YAE1: variants seen among roughly 807,000 people sequenced by gnomAD.
YAE1 encodes protein YAE1 homolog.
YAE1 carries 22 observed loss-of-function variants against 23.0 expected under a neutral mutation model. The observed-to-expected ratio is 0.96, with a 90% CI of 0.68 to 1.37. The LOEUF (loss-of-function observed/expected upper bound fraction) is 1.37, where lower values mean the gene tolerates loss of function less well. YAE1 is among the 40% of genes most tolerant of loss of function. The pLI, the probability that YAE1 is intolerant of heterozygous loss-of-function variation, is 0.00. For missense variants in YAE1, 260 were observed against 262.1 expected (o/e 0.99, Z 0.06); for synonymous variants, 101 against 97.0 (o/e 1.04, Z -0.24).
At chr7:39,608,776 T>C (rs1791164707) in intron 2 of YAE1, among the ~76,000 whole-genome samples, 2 of 152,222 alleles carry the variant, frequency 1.3e-5, no homozygotes, top group African/African-American at 4.8e-5. Flanking sequence ...CCACCAATGC[T>C]TTCCTTCAGA....
chr7:39,582,755 T>C (rs1465755610), intron 2 of YAE1, among the ~76,000 whole-genome samples: 2 of 151,898 alleles, frequency 1.3e-5, no homozygotes, highest in South Asian at 2.1e-4. Flanking sequence ...AGTGTGAACA[T>C]GATACTTCTG....
intron 2 of YAE1, among the ~76,000 whole-genome samples, chr7:39,595,596 T>C (rs1054008152): frequency 1.3e-5 from 2 of 152,212 alleles, no homozygotes; most frequent in African/African-American, 2.4e-5. Flanking sequence ...TATCAAATTA[T>C]GTATTTTTAA....
intron 2 of YAE1, 53 bp downstream of exon 2, chr7:39,570,680 G>T (rs1192784307): frequency 6.5e-7 from 1 of 1,538,246 alleles, no homozygotes; most frequent in South Asian, 1.3e-5. Context: ...ACTACTGGAG[G>T]ATGTTTCTGT....
chr7:39,590,821 C>T (rs1257648518), intron 2 of YAE1, among the ~76,000 whole-genome samples: 2 of 152,196 alleles, frequency 1.3e-5, no homozygotes, highest in South Asian at 2.1e-4. Flanking sequence ...TAGGGACACT[C>T]AACCTGTAAT....
intron 2 of YAE1, among the ~76,000 whole-genome samples, chr7:39,601,531 G>T (rs1024741840): frequency 1.3e-5 from 2 of 152,064 alleles, no homozygotes; most frequent in Admixed American, 6.6e-5. Flanking sequence ...AGGCCGAGAT[G>T]GGTGGATCAC....
chr7:39,579,727 T>G (rs945124086), intron 2 of YAE1, among the ~76,000 whole-genome samples: 3 of 151,938 alleles, frequency 2.0e-5, no homozygotes, highest in Admixed American at 6.6e-5. Flanking sequence ...TCAGCAAGTA[T>G]TATTTTTATT....
chr7:39,576,669 A>G (rs957659819), downstream of YAE1, among the ~76,000 whole-genome samples: 7 of 152,038 alleles, frequency 4.6e-5, no homozygotes, highest in South Asian at 4.2e-4. Flanking sequence ...GCTCTTCCCA[A>G]TGTTTCCCCT....
chr7:39,609,487 A>G, intron 2 of YAE1: 1 of 1,284,748 alleles, frequency 7.8e-7, no homozygotes, highest in Middle Eastern at 1.9e-4. Context: ...GGGGGGTTGT[A>G]ACAGAGACAA....
chr7:39,569,314 A>G (rs1437490722), intron 1 of YAE1: 5 of 308,286 alleles, frequency 1.6e-5, no homozygotes, highest in Non-Finnish European at 2.6e-5. Flanking sequence ...TTCACTTCAA[A>G]CCAAAAGAAA....
At chr7:39,572,199 TTTAA>T (rs1790578737) in intron 2 of YAE1, 74 bp from the exon 3 acceptor site, 5 of 1,405,458 alleles carry the variant, frequency 3.6e-6, no homozygotes, top group East Asian at 2.4e-5. Context: ...AGTCCAATCG[TTTAA>T]TTGTTATTGA....
downstream of YAE1, among the ~76,000 whole-genome samples, chr7:39,574,780 C>G (rs781304045): frequency 8.8e-4 from 134 of 151,858 alleles, no homozygotes; most frequent in Non-Finnish European, 1.7e-3. Flanking sequence ...TGTTAAGTCC[C>G]TGTAGTCTTC....
intron 2 of YAE1, among the ~76,000 whole-genome samples, chr7:39,602,387 A>C (rs1007663911): frequency 2.0e-5 from 3 of 152,254 alleles, no homozygotes; most frequent in African/African-American, 4.8e-5. Flanking sequence ...TTAGACAATA[A>C]GTTTCTGAGA....
At chr7:39,568,056 G>A (rs1790503130) in intron 1 of YAE1, among the ~76,000 whole-genome samples, 1 of 152,034 alleles carries the variant, frequency 6.6e-6, no homozygotes, top group Admixed American at 6.6e-5. Flanking sequence ...AAAAATGTGT[G>A]GCGAAACCCC....
chr7:39,590,181 C>T (rs1790881712), intron 2 of YAE1, among the ~76,000 whole-genome samples: 1 of 152,146 alleles, frequency 6.6e-6, no homozygotes, highest in African/African-American at 2.4e-5. Flanking sequence ...TTTACTAAGC[C>T]ATTGCACTAA....
intron 1 of YAE1, chr7:39,570,007 C>T (rs1195740255): frequency 1.4e-5 from 19 of 1,350,632 alleles, no homozygotes; most frequent in Middle Eastern, 1.8e-4. Context: ...TTTCCCATTC[C>T]GGTTAATGGT....
chr7:39,593,618 G>A (rs1790936005), intron 2 of YAE1, among the ~76,000 whole-genome samples: 1 of 151,854 alleles, frequency 6.6e-6, no homozygotes, highest in Admixed American at 6.6e-5. Context: ...CACCACCATG[G>A]CCAGCTAATT....
chr7:39,570,439 A>G, intron 1 of YAE1, 67 bp from the exon 2 acceptor site: 3 of 1,577,174 alleles, frequency 1.9e-6, no homozygotes, highest in Non-Finnish European at 2.6e-6. Context: ...TTGGTTCTGT[A>G]CTTTTCTAGA....
chr7:39,599,539 C>T (rs1388040307), intron 2 of YAE1, among the ~76,000 whole-genome samples: 2 of 151,668 alleles, frequency 1.3e-5, no homozygotes, highest in Non-Finnish European at 2.9e-5. Context: ...CACGCCTGGC[C>T]AGTTTTTGTA....
intron 2 of YAE1, among the ~76,000 whole-genome samples, chr7:39,594,570 A>T (rs1277376698): frequency 6.6e-6 from 1 of 151,402 alleles, no homozygotes; most frequent in Non-Finnish European, 1.5e-5. Flanking sequence ...GGTTGGTCTG[A>T]TACATGCTAC....
Sources: allele counts gnomAD v4.1 joint callset (sites outside exome capture counted in the v4.1 genomes callset), GRCh38; gene constraint gnomAD v4.1.1; transcripts MANE v1.5; gene names NCBI Gene and HGNC (gene_info 2026-07-23, HGNC 2026-07-21).